ERBIN: variants seen among roughly 807,000 people sequenced by gnomAD.
ERBIN encodes the protein densin-180-like protein.
ERBIN carries 60 observed loss-of-function variants against 158.4 expected under a neutral mutation model. The observed-to-expected ratio is 0.38, with a 90% CI of 0.31 to 0.47. The LOEUF (loss-of-function observed/expected upper bound fraction) is 0.47, where lower values mean the gene tolerates loss of function less well. Ranked by LOEUF, ERBIN falls within the 20% of genes least tolerant of loss-of-function variation. The pLI is 0.99. For synonymous variants in ERBIN, 594 were observed against 557.2 expected (o/e 1.07, Z -0.93); for missense variants, 1,610 against 1,648.0 (o/e 0.98, Z 0.40).
chr5:66,057,621 T>G (rs1260004804), intron 21 of ERBIN, among the ~76,000 whole-genome samples: 1 of 152,048 alleles, frequency 6.6e-6, no homozygotes, highest in East Asian at 1.9e-4. Flanking sequence ...TTCATATGTA[T>G]ACATGTGCCA....
intron 14 of ERBIN, among the ~76,000 whole-genome samples, chr5:66,030,428 A>T (rs1215962116): frequency 1.3e-5 from 2 of 152,058 alleles, no homozygotes; most frequent in Non-Finnish European, 2.9e-5. Context: ...TGTTTAAACG[A>T]TTTGAAATTT....
chr5:65,994,972 G>A, intron 4 of ERBIN, 108 bp downstream of exon 4: 1 of 678,046 alleles, frequency 1.5e-6, no homozygotes, highest in Non-Finnish European at 2.5e-6. Context: ...TAAATCTAAT[G>A]TATTAATATG....
At chr5:66,019,903 C>T (rs78239770) in intron 7 of ERBIN, among the ~76,000 whole-genome samples, 1 of 152,040 alleles carries the variant, frequency 6.6e-6, no homozygotes, top group Non-Finnish European at 1.5e-5. Flanking sequence ...TTCTCTTCCT[C>T]CTCACAATCT....
chr5:65,985,026 A>G (rs1275113457), intron 1 of ERBIN, among the ~76,000 whole-genome samples: 1 of 152,222 alleles, frequency 6.6e-6, no homozygotes, highest in Non-Finnish European at 1.5e-5. Context: ...GCTATGGTAT[A>G]GATGAAATAA....
intron 21 of ERBIN, among the ~76,000 whole-genome samples, chr5:66,065,194 T>C (rs1760851647): frequency 6.6e-6 from 1 of 152,156 alleles, no homozygotes; most frequent in Non-Finnish European, 1.5e-5. Context: ...ATACAAACCA[T>C]GTGAATGAGT....
chr5:65,977,958 G>GGGGAGAGGGAGAGGGAGA (rs143829708), intron 1 of ERBIN, among the ~76,000 whole-genome samples: 7,223 of 144,520 alleles, frequency 0.05, 272 homozygotes, highest in African/African-American at 0.073. Context: ...GAGAGGGTTA[G>GGGGAGAGGGAGAGGGAGA]GGGAGAGGGA....
In ERBIN at chr5:66,040,821, C is replaced by G. The variant is rs528397239; in HGVS notation, c.1307-2256C>G. ...AAGTAAAGGCAAAAATTCTTGCCTT[C>G]AAGATTCTGAAGGTGGGAAGATTAA... On this transcript the variant is annotated intron_variant, in intron 15 of 25. Coordinates refer to ENST00000284037, the MANE Select transcript of ERBIN (RefSeq NM_001253697.2). Among the ~76,000 whole-genome samples the G allele has an allele frequency of 3.4e-5, 5 of 147,850 alleles. No homozygotes were observed. In the South Asian group the frequency reaches 1.1e-3, roughly 32 times the overall value.
intron 22 of ERBIN, among the ~76,000 whole-genome samples, chr5:66,072,720 G>T (rs1016212303): frequency 3.9e-5 from 6 of 152,094 alleles, no homozygotes; most frequent in Non-Finnish European, 8.8e-5. Flanking sequence ...AAAGACTTTT[G>T]TATATGGTAG....
At chr5:66,060,993 G>T (rs1760228576) in intron 21 of ERBIN, among the ~76,000 whole-genome samples, 1 of 152,148 alleles carries the variant, frequency 6.6e-6, no homozygotes, top group Non-Finnish European at 1.5e-5. Flanking sequence ...AATAGGTGTG[G>T]TGTGGTGCTG....
rs545553739 is a variant in ERBIN at position 66,012,032 on chromosome 5, C to A, written c.308-17C>A. On this transcript the variant is annotated splice_polypyrimidine_tract_variant and intron_variant, in intron 4 of 25. Coordinates refer to ENST00000284037, the MANE Select transcript of ERBIN (RefSeq NM_001253697.2). The stretch of plus-strand genomic sequence containing the variant: ...TTTGTAATAGATCTTTTAATTTGAT[C>A]GTTGTTTGTTTTCTAGGAATACAGG... The A allele has an allele frequency of 2.0e-6, 3 of 1,493,570 alleles. No homozygotes were observed. Among genetic ancestry groups the A allele is most frequent in the Admixed American group, 1.9e-5 (1 of 52,892 alleles). The allele number at this position is 1,493,570 out of a possible 1,614,324, so 92.5% of individuals were successfully genotyped here.
chr5:66,042,928 A>G (rs912078902), intron 15 of ERBIN, 149 bp from the exon 16 acceptor site: 21 of 570,404 alleles, frequency 3.7e-5, no homozygotes, highest in Non-Finnish European at 6.4e-5. Context: ...CGGCCAACGC[A>G]TTAGGATTTC....
chr5:65,936,118 T>A (rs553500862), intron 1 of ERBIN, among the ~76,000 whole-genome samples: 81 of 151,616 alleles, frequency 5.3e-4, no homozygotes, highest in African/African-American at 1.7e-3. Context: ...ACACCTTAGG[T>A]CACTCTAGAC....
rs1464369798 is a variant in ERBIN, at chr5:66,079,400, C to G, written c.*870C>G. On this transcript the variant is annotated 3_prime_UTR_variant, in exon 26 of 26. Transcript: ENST00000284037. Reference sequence around the variant, plus strand: ...TTTTTTTTTTTTTCAAATGGTGGTACTTGCAATCTGTTTTATAATTAGTGC... The same window carrying G: ...TTTTTTTTTTTTTCAAATGGTGGTAGTTGCAATCTGTTTTATAATTAGTGC... 1.3e-5 allele frequency: 2 copies of G among 148,168 alleles called. No individual in the cohort carries two copies. The allele number at this position is 148,168 out of a possible 1,614,324, so 9.2% of individuals were successfully genotyped here.
intron 1 of ERBIN, among the ~76,000 whole-genome samples, chr5:65,929,132 A>G (rs1743044688): frequency 6.6e-6 from 1 of 152,230 alleles, no homozygotes; most frequent in South Asian, 2.1e-4. Flanking sequence ...AGGTACAAAC[A>G]TGGAAACCAA....
intron 21 of ERBIN, among the ~76,000 whole-genome samples, chr5:66,061,320 C>G (rs1173722609): frequency 6.6e-6 from 1 of 152,090 alleles, no homozygotes; most frequent in East Asian, 1.9e-4. Flanking sequence ...CTCTTTTGAT[C>G]TTTGTTGGTT....
chr5:66,012,340 G>A (rs1754294070), intron 5 of ERBIN, among the ~76,000 whole-genome samples: 1 of 152,136 alleles, frequency 6.6e-6, no homozygotes, highest in Admixed American at 6.5e-5. Flanking sequence ...TAGTGAGAGT[G>A]TTTTGCTCCA....
intron 1 of ERBIN, among the ~76,000 whole-genome samples, chr5:65,976,146 G>C (rs906352394): frequency 6.6e-6 from 1 of 152,150 alleles, no homozygotes; most frequent in African/African-American, 2.4e-5. Flanking sequence ...CTACAGGATC[G>C]TATCTTATGG....
intron 1 of ERBIN, among the ~76,000 whole-genome samples, chr5:65,984,416 C>T (rs1005785808): frequency 3.7e-4 from 56 of 152,216 alleles, no homozygotes; most frequent in African/African-American, 1.3e-3. Context: ...TTCTTTTTCT[C>T]CTCTCTGCCC....
At chr5:66,022,128 G>A (rs959981196) in intron 8 of ERBIN, among the ~76,000 whole-genome samples, 6 of 152,002 alleles carry the variant, frequency 3.9e-5, no homozygotes, top group Non-Finnish European at 8.8e-5. Flanking sequence ...TGCCCTGTGG[G>A]TATTATATTA....
Sources: allele counts gnomAD v4.1 joint callset (sites outside exome capture counted in the v4.1 genomes callset), GRCh38; gene constraint gnomAD v4.1.1; transcripts MANE v1.5; gene names NCBI Gene and HGNC (gene_info 2026-07-23, HGNC 2026-07-21).